VSX1: variants seen among roughly 807,000 people sequenced by gnomAD.
VSX1 encodes visual system homeobox 1, also known as homeodomain protein RINX.
VSX1 carries 23 observed loss-of-function variants against 23.6 expected under a neutral mutation model. The ratio of observed to expected loss-of-function variants is 0.97; its 90% confidence interval spans 0.70 to 1.38. The LOEUF (loss-of-function observed/expected upper bound fraction) is 1.38, where lower values mean the gene tolerates loss of function less well. Ranked by LOEUF, VSX1 falls within the 40% of genes most tolerant of loss-of-function variation. VSX1 has a pLI of 0.00. For synonymous variants in VSX1, 247 were observed against 215.1 expected (o/e 1.15, Z -1.30); for missense variants, 517 against 495.4 (o/e 1.04, Z -0.41).
rs767409772 is a variant in VSX1, at chr20:25,081,808, G to C, written c.289C>G (p.Arg97Gly). 145 of 1,503,084 alleles carry C rather than the reference G, an allele frequency of 9.6e-5. No individual in the cohort carries two copies. In the African/African-American group the frequency reaches 2.0e-3, roughly 21 times the overall value. 93.1% of individuals were successfully genotyped at this position (1,503,084 alleles called of 1,614,324 possible). A position where few individuals can be genotyped will look rare whatever the true frequency, so the allele number is the denominator to read the frequency against. Residue 97 changes from arginine to glycine, a missense_variant, in exon 1 of 5, where the codon CGA becomes GGA. Coordinates refer to ENST00000376709, the MANE Select transcript of VSX1 (RefSeq NM_014588.6). ...GFGTQPPAAARAPCLLLADVP... is the reference protein window; with the variant it reads ...GFGTQPPAAAGAPCLLLADVP... ...TCCGCTAGGAGCAGGCAGGGTGCTC[G>C]AGCGGCCGCCGGCGGCTGCGTGCCG...
At chr20:25,073,366 T>G (rs756073330), downstream of VSX1, among the ~76,000 whole-genome samples, 3 of 152,194 alleles carry the variant, frequency 2.0e-5, no homozygotes, top group Non-Finnish European at 4.4e-5. Flanking sequence ...TTTCGTCTAT[T>G]TTTTCGTCTT....
At position 25,081,783 on chromosome 20, in the gene VSX1, T is replaced by C; in HGVS notation, c.314A>G (p.Asp105Gly). The C allele has an allele frequency of 6.7e-7, 1 of 1,502,214 alleles. No individual in the cohort carries two copies. Among genetic ancestry groups the C allele is most frequent in the South Asian group, 1.2e-5 (1 of 80,138 alleles). 93.1% of individuals were successfully genotyped at this position (1,502,214 alleles called of 1,614,324 possible). The change falls in exon 1 of 5, where the codon GAC becomes GGC. Residue 105 changes from aspartate (D) to glycine (G), a missense_variant. Physicochemically the swap from Asp to Gly is moderately conservative, Grantham distance 94. Coordinates refer to ENST00000376709, the MANE Select transcript of VSX1 (RefSeq NM_014588.6). Reference protein sequence around the residue: ...AARAPCLLLADVPFLPPRGPE... With the variant: ...AARAPCLLLAGVPFLPPRGPE... ...GCCCCTGGGCGGCAGGAACGGCACG[T>C]CCGCTAGGAGCAGGCAGGGTGCTCG...
chr20:25,078,425 CATGTAGATATGTAT>C, intron 3 of VSX1: 1 of 638,418 alleles, frequency 1.6e-6, no homozygotes, highest in Non-Finnish European at 2.2e-6. Flanking sequence ...TGTATATATG[CATGTAGATATGTAT>C]ATGCACATAC....
chr20:25,081,586 G>C, intron 1 of VSX1, 87 bp downstream of exon 1: 2 of 1,544,874 alleles, frequency 1.3e-6, no homozygotes, highest in Non-Finnish European at 1.8e-6. Context: ...CTGGGGCCAG[G>C]GGTGCGGTGG....
rs2089659407 is a variant in VSX1, at chr20:25,081,969, A to G, written c.128T>C (p.Leu43Pro). ...ITDLLGLEAE[L>P]PAPAGPGQGS... is the part of the protein sequence containing the mutation. ...CTGTCCTGGGCCAGCGGGCGCCGGCAGCTCGGCCTCCAAGCCCAGCAGGTC... is the reference window on the plus strand; with the variant it reads ...CTGTCCTGGGCCAGCGGGCGCCGGCGGCTCGGCCTCCAAGCCCAGCAGGTC... The change falls in exon 1 of 5, where the codon CTG (leucine) becomes CCG (proline). Residue 43 changes from leucine to proline, a missense_variant. Transcript: ENST00000376709. 3.9e-6 allele frequency: 6 copies of G among 1,532,870 alleles called. No individual in the cohort carries two copies. Among genetic ancestry groups the G allele is most frequent in the Non-Finnish European group, 5.2e-6 (6 of 1,146,144 alleles). The allele number at this position is 1,532,870 out of a possible 1,614,324, so 95.0% of individuals were successfully genotyped here. A position where few individuals can be genotyped will look rare whatever the true frequency, so the allele number is the denominator to read the frequency against.
chr20:25,074,656 T>C (rs1013690648), downstream of VSX1, among the ~76,000 whole-genome samples: 1 of 152,240 alleles, frequency 6.6e-6, no homozygotes, highest in Non-Finnish European at 1.5e-5. Context: ...CATTAATAAA[T>C]AAGCCTTACT....
At chr20:25,077,915 G>A (rs1214715879) in intron 3 of VSX1, 50 bp from the exon 4 acceptor site, 6 of 1,546,764 alleles carry the variant, frequency 3.9e-6, no homozygotes, top group East Asian at 2.4e-5. Flanking sequence ...ACAGTGAAGA[G>A]GGGCGCCTGG....
chr20:25,080,927 T>A (rs191697614), intron 1 of VSX1, among the ~76,000 whole-genome samples: 182 of 152,320 alleles, frequency 1.2e-3, no homozygotes, highest in African/African-American at 4.3e-3. Context: ...CTTGTGTAAT[T>A]CTTTCTTTTC....
intron 1 of VSX1, 169 bp downstream of exon 1, chr20:25,081,504 G>A: frequency 2.0e-6 from 2 of 1,023,986 alleles, no homozygotes; most frequent in Non-Finnish European, 3.0e-6. Flanking sequence ...GCAAGGGGCA[G>A]GCGGCGCAGC....
At chr20:25,073,915 C>T (rs2089434438), downstream of VSX1, among the ~76,000 whole-genome samples, 1 of 152,130 alleles carries the variant, frequency 6.6e-6, no homozygotes, top group African/African-American at 2.4e-5. Flanking sequence ...AGGGAGAGAG[C>T]AGCCCAATGA....
chr20:25,081,359 G>GA (rs1048737135), intron 1 of VSX1: 6 of 645,300 alleles, frequency 9.3e-6, no homozygotes, highest in Admixed American at 5.5e-5. Context: ...GCGCTGGGGG[G>GA]AAAAATGGCC....
chr20:25,077,725 G>A lies in VSX1; in HGVS notation c.768C>T (p.Ala256=), dbSNP rs1457505437. The change falls in exon 4 of 5, where the codon GCC becomes GCT. Residue 256 remains alanine (A), a synonymous_variant. Coordinates refer to ENST00000376709, the MANE Select transcript of VSX1 (RefSeq NM_014588.6). ...CGCAGGAGCCCAGCAGGCCGCCCTCGGCGGAGTTGAGCACGGAGTCTGGCA... is the reference window on the plus strand; with the variant it reads ...CGCAGGAGCCCAGCAGGCCGCCCTCAGCGGAGTTGAGCACGGAGTCTGGCA... ...IPLPDSVLNS[A]EGGLLGSCAP... 5.2e-6 allele frequency: 8 copies of A among 1,550,216 alleles called. No individual in the cohort carries two copies. The highest frequency in any genetic ancestry group is 5.2e-6 in the Non-Finnish European group (6 of 1,146,888).
chr20:25,081,333 C>G, intron 1 of VSX1: 1 of 565,470 alleles, frequency 1.8e-6, no homozygotes, highest in Non-Finnish European at 3.4e-6. Flanking sequence ...CTGCCAGAGG[C>G]GGAGACTGGC....
rs1033772476 is a variant in VSX1, at chr20:25,075,978, A to G, written c.*283T>C. On this transcript the variant is annotated 3_prime_UTR_variant, in exon 5 of 5. Transcript: ENST00000376709. ...ATGCCCAGCAGTGAAATCATTTTTG[A>G]ACTTCGGATCCTCCCTGCTCAAGCT... The G allele has an allele frequency of 4.1e-6, 2 of 488,390 alleles. No homozygotes were observed. The highest frequency in any genetic ancestry group is 7.4e-6 in the Non-Finnish European group (2 of 269,430). 30.3% of individuals were successfully genotyped at this position (488,390 alleles called of 1,614,324 possible).
rs1369166259 is a variant in VSX1, at chr20:25,081,860, C to T, written c.237G>A (p.Pro79=). 6 of 1,522,634 alleles carry T rather than the reference C, an allele frequency of 3.9e-6. No individual in the cohort carries two copies. The highest frequency in any genetic ancestry group is 4.0e-5 in the Admixed American group (2 of 49,918). The allele number at this position is 1,522,634 out of a possible 1,614,324, so 94.3% of individuals were successfully genotyped here. A position where few individuals can be genotyped will look rare whatever the true frequency, so the allele number is the denominator to read the frequency against. The change falls in exon 1 of 5, where the codon CCG becomes CCA. Residue 79 remains proline (P), a synonymous_variant. Coordinates refer to ENST00000376709, the MANE Select transcript of VSX1 (RefSeq NM_014588.6). Reference sequence around the variant, plus strand: ...AGCCACAGAGGAGGCCGAGTCCCAGCGGTAGGGCCCCACGCGCCAGGCTGG... The same window carrying T: ...AGCCACAGAGGAGGCCGAGTCCCAGTGGTAGGGCCCCACGCGCCAGGCTGG... ...DGSSLARGAL[P]LGLGLLCGFG...
At chr20:25,074,665 C>T (rs551548024), downstream of VSX1, among the ~76,000 whole-genome samples, 62 of 152,222 alleles carry the variant, frequency 4.1e-4, no homozygotes, top group African/African-American at 1.3e-3. Flanking sequence ...ATAAGCCTTA[C>T]TGTTACAATT....
chr20:25,080,373 T>A (rs2089613969), intron 1 of VSX1, among the ~76,000 whole-genome samples: 1 of 152,192 alleles, frequency 6.6e-6, no homozygotes, highest in African/African-American at 2.4e-5. Context: ...TGATGAGACA[T>A]GAGACACATA....
chr20:25,072,721 T>C, downstream of VSX1: 2 of 468,928 alleles, frequency 4.3e-6, no homozygotes, highest in South Asian at 3.1e-5. Flanking sequence ...TATATTGTTT[T>C]TATACGATTA....
chr20:25,082,122 C>A lies in VSX1; in HGVS notation c.-26G>T. On this transcript the variant is annotated 5_prime_UTR_variant, in exon 1 of 5. Transcript: ENST00000376709. ...GGTTCCTTAGCAAGCAAGGCGCGAG[C>A]CTCTCTGGATCCCGTTTGCGGAGGG... 1 of 1,536,644 alleles carries A rather than the reference C, an allele frequency of 6.5e-7. No homozygotes were observed. The highest frequency in any genetic ancestry group is 8.7e-7 in the Non-Finnish European group (1 of 1,147,258).
Sources: allele counts gnomAD v4.1 joint callset (sites outside exome capture counted in the v4.1 genomes callset), GRCh38; gene constraint gnomAD v4.1.1; transcripts MANE v1.5; gene names NCBI Gene and HGNC (gene_info 2026-07-23, HGNC 2026-07-21).